XKR6: variants seen among roughly 807,000 people sequenced by gnomAD.
XKR6 encodes XK related 6.
A neutral mutation model predicts 56.7 loss-of-function variants in XKR6; 22 were observed. The ratio of observed to expected loss-of-function variants is 0.39; its 90% CI spans 0.28 to 0.55. The LOEUF is 0.55. Among genes scored for constraint, XKR6 ranks in the 20% least tolerant of loss-of-function variants. The pLI is 0.66. For synonymous variants in XKR6, 524 were observed against 387.8 expected, an observed-to-expected ratio of 1.35 and a Z score of -4.13; for missense variants, 852 against 889.0, an observed-to-expected ratio of 0.96 and a Z score of 0.53.
intron 1 of XKR6, among the ~76,000 whole-genome samples, chr8:11,196,422 A>G (rs1803892003): frequency 1.3e-5 from 2 of 151,470 alleles, no homozygotes; most frequent in Admixed American, 1.3e-4. Flanking sequence ...AGCAAACAAA[A>G]CAAAACAAAA....
intron 2 of XKR6, among the ~76,000 whole-genome samples, chr8:10,918,703 G>A (rs528291904): frequency 2.0e-5 from 3 of 152,166 alleles, no homozygotes; most frequent in African/African-American, 7.2e-5. Flanking sequence ...ATCCCCAAAG[G>A]AGGAAGGAGG....
At chr8:11,124,118 T>C (rs1206468838) in intron 1 of XKR6, 2 of 416,834 alleles carry the variant, frequency 4.8e-6, no homozygotes, top group Admixed American at 2.6e-5. Context: ...ATTTACTTTA[T>C]CTTCCCTACT....
intron 2 of XKR6, among the ~76,000 whole-genome samples, chr8:10,913,728 C>G (rs1800476330): frequency 6.6e-6 from 1 of 152,176 alleles, no homozygotes; most frequent in African/African-American, 2.4e-5. Context: ...CCACTAGGGA[C>G]TTCACGTGGT....
chr8:10,994,694 C>G (rs868490126), intron 1 of XKR6, among the ~76,000 whole-genome samples: 1 of 152,150 alleles, frequency 6.6e-6, no homozygotes, highest in South Asian at 2.1e-4. Context: ...TCCATTTAAT[C>G]AGCAGAACAG....
intron 1 of XKR6, among the ~76,000 whole-genome samples, chr8:10,963,906 T>A (rs1429223660): frequency 6.6e-6 from 1 of 152,204 alleles, no homozygotes; most frequent in Admixed American, 6.5e-5. Context: ...CAGTCCTGGA[T>A]TCAAATCCCA....
intron 1 of XKR6, among the ~76,000 whole-genome samples, chr8:11,197,385 A>G (rs1057402292): frequency 6.6e-6 from 1 of 152,226 alleles, no homozygotes; most frequent in Admixed American, 6.5e-5. Context: ...AGCAGAAAGG[A>G]AAACTTGCAT....
At chr8:11,016,683 C>CCCGCCT (rs1381692259) in intron 1 of XKR6, among the ~76,000 whole-genome samples, 1 of 152,184 alleles carries the variant, frequency 6.6e-6, no homozygotes, top group Non-Finnish European at 1.5e-5. Flanking sequence ...GGCCCCCGGC[C>CCCGCCT]CCGCCTCCGC....
At chr8:11,072,166 G>A (rs185105340) in intron 1 of XKR6, among the ~76,000 whole-genome samples, 2 of 152,292 alleles carry the variant, frequency 1.3e-5, no homozygotes, top group East Asian at 1.9e-4. Flanking sequence ...AGCCAATACC[G>A]TCCTCTCAGC....
intron 1 of XKR6, among the ~76,000 whole-genome samples, chr8:11,015,981 G>A (rs1264362541): frequency 1.3e-5 from 2 of 152,186 alleles, no homozygotes; most frequent in Non-Finnish European, 2.9e-5. Context: ...GCGGGCAGCA[G>A]GGCTCAGACG....
At chr8:11,188,160 C>A (rs1803372639) in intron 1 of XKR6, among the ~76,000 whole-genome samples, 1 of 151,938 alleles carries the variant, frequency 6.6e-6, no homozygotes, top group African/African-American at 2.4e-5. Flanking sequence ...AAATGCCAAG[C>A]AATAAGCAAA....
In XKR6 at chr8:10,971,905, G is replaced by A. The variant is rs550652198; in HGVS notation, c.765-47075C>T. Among the ~76,000 whole-genome samples, 41 of 152,294 alleles carry A rather than the reference G, an allele frequency of 2.7e-4. No homozygotes were observed. The South Asian group carries it at 8.5e-3, about 32-fold the overall frequency. ...GCAGTAGGTGTCATATACAATAAAG[G>A]AAATTTTTCTTGGGGTCAAATTTAT... On this transcript the variant is annotated intron_variant, in intron 1 of 2. Coordinates refer to ENST00000416569, the MANE Select transcript of XKR6 (RefSeq NM_173683.4).
intron 2 of XKR6, among the ~76,000 whole-genome samples, chr8:10,901,350 C>T (rs1273917553): frequency 1.3e-5 from 2 of 152,082 alleles, no homozygotes; most frequent in African/African-American, 2.4e-5. Flanking sequence ...GCCACTGTAC[C>T]CAGCCTAGAG....
intron 1 of XKR6, among the ~76,000 whole-genome samples, chr8:11,122,995 G>C (rs912203566): frequency 1.3e-5 from 2 of 151,864 alleles, no homozygotes; most frequent in African/African-American, 4.8e-5. Flanking sequence ...CCAGCACTTT[G>C]GGAGGCCGAG....
intron 1 of XKR6, among the ~76,000 whole-genome samples, chr8:11,035,740 G>A (rs1586459270): frequency 6.6e-6 from 1 of 152,156 alleles, no homozygotes; most frequent in African/African-American, 2.4e-5. Context: ...TCCCTGTGAG[G>A]AGGCAGGAAG....
chr8:11,078,419 C>T (rs541752463), intron 1 of XKR6, among the ~76,000 whole-genome samples: 96 of 152,308 alleles, frequency 6.3e-4, no homozygotes, highest in African/African-American at 2.1e-3. Context: ...TGGGATCCAC[C>T]AGGTACCGTC....
chr8:10,916,781 G>A (rs1440083002), intron 2 of XKR6, among the ~76,000 whole-genome samples: 1 of 152,236 alleles, frequency 6.6e-6, no homozygotes, highest in Non-Finnish European at 1.5e-5. Context: ...TGCTTAATGG[G>A]AGCAGAGAAA....
At chr8:11,014,149 G>C (rs1474995112) in intron 1 of XKR6, among the ~76,000 whole-genome samples, 1 of 152,172 alleles carries the variant, frequency 6.6e-6, no homozygotes, top group Admixed American at 6.5e-5. Context: ...TACCGGGTCA[G>C]CATTTTTAAA....
chr8:11,157,485 GGTATGTAT>G (rs112971008), intron 1 of XKR6, among the ~76,000 whole-genome samples: 9,687 of 148,960 alleles, frequency 0.065, 947 homozygotes, highest in African/African-American at 0.21. Flanking sequence ...TAAAATAAAA[GGTATGTAT>G]GTATGTATGT....
At chr8:10,945,004 C>T (rs1268769686) in intron 1 of XKR6, among the ~76,000 whole-genome samples, 1 of 152,144 alleles carries the variant, frequency 6.6e-6, no homozygotes, top group Non-Finnish European at 1.5e-5. Context: ...TAGATGTCGC[C>T]ATGCAGTCTT....
Sources: allele counts gnomAD v4.1 joint callset (sites outside exome capture counted in the v4.1 genomes callset), GRCh38; gene constraint gnomAD v4.1.1; transcripts MANE v1.5; gene names NCBI Gene and HGNC (gene_info 2026-07-23, HGNC 2026-07-21).